The following CDH18 variants were observed in gnomAD, a reference collection of about 807,000 sequenced individuals.
CDH18 encodes the protein cadherin-18.
A neutral mutation model predicts 67.9 loss-of-function variants in CDH18; 31 were observed. That is an observed-to-expected ratio of 0.46 (90% CI 0.34 to 0.62). The LOEUF (loss-of-function observed/expected upper bound fraction) is 0.62, where lower values mean the gene tolerates loss of function less well. Ranked by LOEUF, CDH18 falls within the 20% of genes least tolerant of loss-of-function variation. The probability of loss-of-function intolerance (pLI) is 0.01; values close to 1 mark genes in which losing one functional copy is unlikely to be tolerated. For synonymous variants in CDH18, 362 were observed against 347.2 expected, an observed-to-expected ratio of 1.04 and a Z score of -0.48; for missense variants, 890 against 975.5, an observed-to-expected ratio of 0.91 and a Z score of 1.17.
intron 1 of CDH18, among the ~76,000 whole-genome samples, chr5:20,550,697 A>G (rs923299100): frequency 6.6e-6 from 1 of 152,226 alleles, no homozygotes; most frequent in Non-Finnish European, 1.5e-5. Flanking sequence ...CTCTTTAGCC[A>G]CTTAGAGCCC....
rs961158999 is a variant in CDH18 at position 20,324,315 on chromosome 5, G to A, written c.-579-68810C>T. Among the ~76,000 whole-genome samples the A allele has an allele frequency of 7.2e-5, 11 of 152,210 alleles. No homozygotes were observed. In the East Asian group the frequency reaches 1.2e-3, roughly 16 times the overall value. On this transcript the variant is annotated intron_variant, in intron 1 of 14. Transcript: ENST00000507958. ...AGCACTTTGGGAGGCTGAGGCAGGC[G>A]GATCACGAGGTCAGGAGATGGAGAC...
At chr5:20,006,675 G>A (rs1459221708) in intron 2 of CDH18, among the ~76,000 whole-genome samples, 1 of 151,742 alleles carries the variant, frequency 6.6e-6, no homozygotes, top group East Asian at 1.9e-4. Context: ...TAGTTGTTTG[G>A]ATTAATCATT....
chr5:19,538,402 G>A (rs1467178098), intron 9 of CDH18, among the ~76,000 whole-genome samples: 2 of 152,118 alleles, frequency 1.3e-5, no homozygotes, highest in African/African-American at 4.8e-5. Context: ...ATGTTCTGTA[G>A]GCCTTTACTT....
intron 2 of CDH18, among the ~76,000 whole-genome samples, chr5:20,215,393 C>A (rs1740683305): frequency 1.3e-5 from 2 of 151,390 alleles, no homozygotes; most frequent in Admixed American, 1.3e-4. Flanking sequence ...ATCTCCTGTG[C>A]AGGAAAATTT....
chr5:19,647,062 A>G (rs1754858657), intron 5 of CDH18, among the ~76,000 whole-genome samples: 1 of 152,054 alleles, frequency 6.6e-6, no homozygotes, highest in Non-Finnish European at 1.5e-5. Flanking sequence ...CATATTTAAA[A>G]CTCACCAGTC....
intron 2 of CDH18, among the ~76,000 whole-genome samples, chr5:20,095,661 T>G (rs1745931601): frequency 6.6e-6 from 1 of 151,478 alleles, no homozygotes; most frequent in Admixed American, 6.6e-5. Context: ...TAAATTTTTT[T>G]TTTCAAAGTT....
intron 2 of CDH18, among the ~76,000 whole-genome samples, chr5:20,094,203 T>C (rs1437104744): frequency 6.6e-6 from 1 of 152,206 alleles, no homozygotes. Flanking sequence ...ATTAAAGTGA[T>C]GTTCCTCCTG....
intron 1 of CDH18, among the ~76,000 whole-genome samples, chr5:20,519,341 A>G (rs1326654775): frequency 6.6e-6 from 1 of 152,126 alleles, no homozygotes; most frequent in Admixed American, 6.6e-5. Flanking sequence ...GAAACTGGAA[A>G]TCATCATTCT....
intron 2 of CDH18, among the ~76,000 whole-genome samples, chr5:20,070,276 GTTTA>G (rs70954632): frequency 0.011 from 1,696 of 152,026 alleles, 18 homozygotes; most frequent in Non-Finnish European, 0.018. Context: ...CTGTATCACT[GTTTA>G]TTTATTTGTT....
intron 10 of CDH18, among the ~76,000 whole-genome samples, chr5:19,508,379 A>T (rs1744571571): frequency 6.6e-6 from 1 of 152,050 alleles, no homozygotes; most frequent in African/African-American, 2.4e-5. Context: ...TTACCTTGCT[A>T]TTTCTTTGTC....
At chr5:20,198,018 C>G (rs1739124178) in intron 2 of CDH18, among the ~76,000 whole-genome samples, 1 of 152,082 alleles carries the variant, frequency 6.6e-6, no homozygotes, top group African/African-American at 2.4e-5. Flanking sequence ...GCACTCATTC[C>G]CTCTCCTACC....
chr5:19,709,883 C>T (rs1318307898), intron 5 of CDH18, among the ~76,000 whole-genome samples: 1 of 152,072 alleles, frequency 6.6e-6, no homozygotes. Context: ...GCCTGTAATT[C>T]CAGCACTTTG....
chr5:19,725,367 G>GA (rs1439038282), intron 4 of CDH18, among the ~76,000 whole-genome samples: 1 of 152,180 alleles, frequency 6.6e-6, no homozygotes. Context: ...GTACCTCACT[G>GA]AAAAAACTAA....
At chr5:19,748,068 G>C (rs533302158) in intron 3 of CDH18, among the ~76,000 whole-genome samples, 122 of 122,314 alleles carry the variant, frequency 1.0e-3, no homozygotes, top group Non-Finnish European at 1.6e-3. Context: ...AGCCGAGATC[G>C]CGCCACTGCA....
Position 19,697,838 on chromosome 5 carries a change from C to A in CDH18, c.643+23509G>T, listed in dbSNP as rs114114447. Reference sequence around the variant, plus strand: ...TCAGAAAGAGCAAATAGAGTTGATTCCTCTAAGTGTTCATAGTGCCTGCCC... The same window carrying A: ...TCAGAAAGAGCAAATAGAGTTGATTACTCTAAGTGTTCATAGTGCCTGCCC... On this transcript the variant is annotated intron_variant, in intron 5 of 12. Transcript: ENST00000382275. Among the ~76,000 whole-genome samples the A allele has an allele frequency of 5.1e-3, 773 of 152,146 alleles. 8 individuals carry two copies. Among genetic ancestry groups the A allele is most frequent in the African/African-American group, 0.018 (745 of 41,504 alleles).
At chr5:20,169,366 C>A (rs1224124725) in intron 2 of CDH18, among the ~76,000 whole-genome samples, 1 of 152,046 alleles carries the variant, frequency 6.6e-6, no homozygotes, top group East Asian at 1.9e-4. Flanking sequence ...CTTTTGGTAG[C>A]AGTAGACATA....
At chr5:19,698,293 T>G (rs918474039) in intron 5 of CDH18, among the ~76,000 whole-genome samples, 15 of 152,170 alleles carry the variant, frequency 9.9e-5, no homozygotes, top group African/African-American at 3.6e-4. Flanking sequence ...ATTATCATTT[T>G]ATGAGCTTGC....
At chr5:20,125,305 T>C (rs1439323998) in intron 2 of CDH18, among the ~76,000 whole-genome samples, 1 of 152,052 alleles carries the variant, frequency 6.6e-6, no homozygotes, top group Admixed American at 6.6e-5. Context: ...TGTGTGTATA[T>C]GTGTTTGTGT....
At chr5:20,024,590 A>G (rs1738722530) in intron 2 of CDH18, among the ~76,000 whole-genome samples, 1 of 152,174 alleles carries the variant, frequency 6.6e-6, no homozygotes. Flanking sequence ...CTTGTAGAAT[A>G]CATACGAGAA....
Sources: gnomAD v4.1 joint callset for allele counts (sites outside exome capture counted in the v4.1 genomes callset) on GRCh38, gnomAD v4.1.1 for gene constraint, MANE v1.5 for transcripts, NCBI Gene and HGNC (gene_info 2026-07-23, HGNC 2026-07-21) for gene names.